SOX5: variants seen among roughly 807,000 people sequenced by gnomAD.
SOX5 encodes transcription factor SOX-5.
Under a neutral mutation model 92.0 loss-of-function variants are expected in SOX5, and 9 were observed. The observed-to-expected ratio is 0.10, with a 90% confidence interval of 0.06 to 0.17. The LOEUF is 0.17. Ranked by LOEUF, SOX5 falls within the 10% of genes least tolerant of loss-of-function variation. The pLI, the probability that SOX5 is intolerant of heterozygous loss-of-function variation, is 1.00. For missense variants in SOX5, 642 were observed against 944.5 expected (o/e 0.68, Z 4.20); for synonymous variants, 344 against 336.3 (o/e 1.02, Z -0.25).
upstream of SOX5, chr12:23,950,936 A>G (rs1304235970): frequency 4.1e-6 from 6 of 1,448,132 alleles, no homozygotes; most frequent in African/African-American, 4.2e-5. Flanking sequence ...GTAAGCACAC[A>G]CTTACCAACA....
At chr12:24,467,826 C>T (rs567400672) in intron 1 of SOX5, among the ~76,000 whole-genome samples, 17 of 152,216 alleles carry the variant, frequency 1.1e-4, no homozygotes, top group Middle Eastern at 6.8e-3. Context: ...TAGTGTATAA[C>T]GTTCAGTTTT....
At chr12:24,097,364 T>TA (rs1945549463) in intron 4 of SOX5, among the ~76,000 whole-genome samples, 3 of 152,048 alleles carry the variant, frequency 2.0e-5, no homozygotes, top group Non-Finnish European at 4.4e-5. Flanking sequence ...ATAAACATTT[T>TA]GTTTTTTTAT....
At chr12:23,777,588 T>C (rs2095145767) in intron 3 of SOX5, among the ~76,000 whole-genome samples, 1 of 152,104 alleles carries the variant, frequency 6.6e-6, no homozygotes, top group Non-Finnish European at 1.5e-5. Context: ...TACATACCTT[T>C]CTTTGCACAG....
At chr12:24,270,586 C>A (rs373581331) in intron 3 of SOX5, among the ~76,000 whole-genome samples, 1 of 152,126 alleles carries the variant, frequency 6.6e-6, no homozygotes, top group Non-Finnish European at 1.5e-5. Flanking sequence ...AAAGCACATG[C>A]CCATGGAAGC....
At chr12:23,805,704 G>A (rs1444004846) in intron 3 of SOX5, among the ~76,000 whole-genome samples, 2 of 152,128 alleles carry the variant, frequency 1.3e-5, no homozygotes, top group African/African-American at 2.4e-5. Flanking sequence ...ACAGGAATCA[G>A]GATGATCTAT....
Position 24,555,481 on chromosome 12 carries a change from A to G in SOX5, c.-251+6848T>C, listed in dbSNP as rs116598353. On this transcript the variant is annotated intron_variant, in intron 1 of 4. Coordinates refer to the SOX5 transcript ENST00000446891. ...TATGAAATATCCATTATTTAAATAT[A>G]TTTACAATCACCTGATAAAATTCAT... Among the ~76,000 whole-genome samples, 750 of 152,340 alleles carry G rather than the reference A, an allele frequency of 4.9e-3. 3 individuals are homozygous for G. The highest frequency in any genetic ancestry group is 0.017 in the African/African-American group (707 of 41,578).
intron 3 of SOX5, among the ~76,000 whole-genome samples, chr12:24,234,432 C>T (rs1478053344): frequency 2.0e-5 from 3 of 151,970 alleles, no homozygotes; most frequent in African/African-American, 7.3e-5. Flanking sequence ...GCCTGGAGTG[C>T]AGTGGCACAA....
chr12:24,424,549 C>G (rs1378090200), intron 1 of SOX5, among the ~76,000 whole-genome samples: 1 of 152,074 alleles, frequency 6.6e-6, no homozygotes, highest in Non-Finnish European at 1.5e-5. Flanking sequence ...GGGCACTTGT[C>G]TTCCCCCCAC....
chr12:24,128,112 T>A (rs1408309532), intron 4 of SOX5, among the ~76,000 whole-genome samples: 1 of 152,246 alleles, frequency 6.6e-6, no homozygotes, highest in Non-Finnish European at 1.5e-5. Context: ...TTTGTTTCGG[T>A]CTCACCTTAA....
Position 23,846,005 on chromosome 12 carries a change from C to T in SOX5, c.459G>A (p.Glu153=). 1 of 1,613,992 alleles carries T rather than the reference C, an allele frequency of 6.2e-7. No individual in the cohort carries two copies. Reference sequence around the variant, plus strand: ...TACCTTCCGGCTCGTTTTTGATGAGCTCTTCCATTTTCCTCTGCTTCAAGG... The same window carrying T: ...TACCTTCCGGCTCGTTTTTGATGAGTTCTTCCATTTTCCTCTGCTTCAAGG... ...VDTLKQRKME[E]LIKNEPEETP... is the part of the protein sequence containing the mutation. The change falls in exon 3 of 15, where the codon GAG becomes GAA. Residue 153 remains glutamate, a synonymous_variant. Coordinates refer to ENST00000451604, the MANE Select transcript of SOX5 (RefSeq NM_006940.6).
chr12:24,293,291 C>T (rs1373242304), intron 2 of SOX5, among the ~76,000 whole-genome samples: 1 of 152,214 alleles, frequency 6.6e-6, no homozygotes, highest in Non-Finnish European at 1.5e-5. Context: ...ATTGCTAGTT[C>T]TCAACAGTGA....
intron 2 of SOX5, among the ~76,000 whole-genome samples, chr12:24,357,038 T>G (rs7302658): frequency 6.6e-6 from 1 of 152,040 alleles, no homozygotes. Context: ...TTCATTCTTA[T>G]TTGCACATGG....
At chr12:23,691,284 GTCT>G (rs1340098671) in intron 6 of SOX5, among the ~76,000 whole-genome samples, 1 of 152,188 alleles carries the variant, frequency 6.6e-6, no homozygotes, top group Non-Finnish European at 1.5e-5. Context: ...ATTATTTTCT[GTCT>G]TCTTTAGATT....
At chr12:24,305,886 C>T (rs1241798572) in intron 2 of SOX5, among the ~76,000 whole-genome samples, 8 of 152,104 alleles carry the variant, frequency 5.3e-5, no homozygotes, top group African/African-American at 1.4e-4. Context: ...CGTGAGCCAC[C>T]GCGCCCAGCC....
chr12:23,639,020 C>T (rs548866375), intron 8 of SOX5, among the ~76,000 whole-genome samples: 10 of 151,980 alleles, frequency 6.6e-5, no homozygotes, highest in African/African-American at 2.2e-4. Context: ...CTCTAAAACT[C>T]ATGCATTTTA....
chr12:24,521,430 C>A (rs1203380415), intron 1 of SOX5, among the ~76,000 whole-genome samples: 2 of 152,136 alleles, frequency 1.3e-5, no homozygotes, highest in African/African-American at 2.4e-5. Context: ...AAGAAAACAG[C>A]TGACTTGTAA....
At chr12:24,447,133 C>G (rs1181482594) in intron 1 of SOX5, among the ~76,000 whole-genome samples, 1 of 152,194 alleles carries the variant, frequency 6.6e-6, no homozygotes, top group African/African-American at 2.4e-5. Flanking sequence ...TTTAACTCCC[C>G]TCCTCTTGAG....
intron 8 of SOX5, among the ~76,000 whole-genome samples, chr12:23,626,937 C>T (rs2077900771): frequency 6.6e-6 from 1 of 152,104 alleles, no homozygotes; most frequent in Non-Finnish European, 1.5e-5. Flanking sequence ...ACAAGCTTAG[C>T]ATTCCAATAA....
At chr12:23,699,370 G>T (rs1399311338) in intron 6 of SOX5, among the ~76,000 whole-genome samples, 2 of 152,112 alleles carry the variant, frequency 1.3e-5, no homozygotes, top group African/African-American at 4.8e-5. Flanking sequence ...TATGAGGCAT[G>T]GTTAATCTGG....
Sources: allele counts gnomAD v4.1 joint callset (sites outside exome capture counted in the v4.1 genomes callset), GRCh38; gene constraint gnomAD v4.1.1; transcripts MANE v1.5; gene names NCBI Gene and HGNC (gene_info 2026-07-23, HGNC 2026-07-21).